MAST4: variants seen among roughly 807,000 people sequenced by gnomAD.
MAST4 encodes the protein microtubule-associated serine/threonine-protein kinase 4.
In MAST4, 89 loss-of-function variants were observed where a neutral mutation model predicts 162.7. The ratio of observed to expected loss-of-function variants is 0.55; its 90% confidence interval spans 0.46 to 0.65. The LOEUF (loss-of-function observed/expected upper bound fraction) is 0.65, where lower values mean the gene tolerates loss of function less well. Among genes scored for constraint, MAST4 ranks in the 30% least tolerant of loss-of-function variants. The pLI is 0.00. For missense variants in MAST4, 3,153 were observed against 3,374.0 expected, an observed-to-expected ratio of 0.93 and a Z score of 1.62; for synonymous variants, 1,479 against 1,361.1, an observed-to-expected ratio of 1.09 and a Z score of -1.91.
At chr5:66,861,118 G>A (rs1228988698) in intron 3 of MAST4, among the ~76,000 whole-genome samples, 1 of 152,224 alleles carries the variant, frequency 6.6e-6, no homozygotes, top group Non-Finnish European at 1.5e-5. Context: ...TCTGCTACAT[G>A]TGATTTATTT....
intron 1 of MAST4, among the ~76,000 whole-genome samples, chr5:66,676,543 A>G (rs919422820): frequency 6.6e-6 from 1 of 152,226 alleles, no homozygotes; most frequent in Admixed American, 6.5e-5. Context: ...AGACCTGGGA[A>G]TACGAATTCA....
In MAST4 at chr5:66,846,392, C is replaced by CATCA. The variant is rs1758858733; in HGVS notation, c.643-53559_643-53558insATCA. Reference sequence around the variant, plus strand: ...ATACTTCTCCAATAGCCTTGAGGAGCTAAAGCTATGATGTATTTTTTTCAA... The same window carrying CATCA: ...ATACTTCTCCAATAGCCTTGAGGAGCATCATAAAGCTATGATGTATTTTTTTCAA... On this transcript the variant is annotated intron_variant, in intron 3 of 28. Transcript: ENST00000403625. Among the ~76,000 whole-genome samples, 4 of 152,168 alleles carry CATCA rather than the reference C, an allele frequency of 2.6e-5. No homozygotes were observed. The South Asian group carries it at 8.3e-4, about 32-fold the overall frequency.
At chr5:66,726,610 A>G (rs765286973) in intron 1 of MAST4, among the ~76,000 whole-genome samples, 4 of 151,994 alleles carry the variant, frequency 2.6e-5, no homozygotes, top group Non-Finnish European at 1.5e-5. Context: ...TCAGGTCTGC[A>G]TTTCAAATAG....
At chr5:66,963,751 G>A (rs781318845) in intron 4 of MAST4, 1 of 779,812 alleles carries the variant, frequency 1.3e-6, no homozygotes, top group Non-Finnish European at 2.4e-6. Flanking sequence ...AGCCCAGGCA[G>A]TCCTTGTAGT....
chr5:67,148,172 T>G (rs928211910), intron 23 of MAST4, among the ~76,000 whole-genome samples: 2 of 152,156 alleles, frequency 1.3e-5, no homozygotes, highest in African/African-American at 4.8e-5. Flanking sequence ...AAAGGATCAT[T>G]TATAGTGGTG....
intron 4 of MAST4, among the ~76,000 whole-genome samples, chr5:66,984,296 G>A (rs1009243298): frequency 6.6e-6 from 1 of 152,166 alleles, no homozygotes; most frequent in Non-Finnish European, 1.5e-5. Flanking sequence ...AAGTAAAGAG[G>A]CCACCCAGGG....
intron 24 of MAST4, among the ~76,000 whole-genome samples, chr5:67,150,621 G>T (rs1305549472): frequency 1.3e-5 from 2 of 152,168 alleles, no homozygotes; most frequent in Non-Finnish European, 2.9e-5. Context: ...TTTGAAAGCT[G>T]GTTAGGAAGC....
At chr5:67,122,725 A>G (rs1767729056) in intron 14 of MAST4, among the ~76,000 whole-genome samples, 1 of 152,206 alleles carries the variant, frequency 6.6e-6, no homozygotes, top group South Asian at 2.1e-4. Context: ...AAATTTGGGC[A>G]TATATCTTAG....
chr5:67,023,944 T>C (rs1271041345), intron 4 of MAST4, among the ~76,000 whole-genome samples: 2 of 152,060 alleles, frequency 1.3e-5, no homozygotes, highest in East Asian at 1.9e-4. Flanking sequence ...ATTTACCATC[T>C]TGGCCATTTT....
intron 1 of MAST4, among the ~76,000 whole-genome samples, chr5:66,667,018 G>A (rs1047468898): frequency 6.6e-5 from 10 of 152,172 alleles, no homozygotes; most frequent in Non-Finnish European, 1.0e-4. Context: ...ATGAGGAGGC[G>A]TAGCCAGATG....
intron 5 of MAST4, among the ~76,000 whole-genome samples, chr5:67,063,267 T>C (rs1470803634): frequency 1.3e-5 from 2 of 152,188 alleles, no homozygotes. Context: ...TCAGATGGAC[T>C]GACGTCAGTC....
chr5:66,907,308 C>T (rs142510548), intron 4 of MAST4, among the ~76,000 whole-genome samples: 10 of 149,918 alleles, frequency 6.7e-5, no homozygotes, highest in South Asian at 2.1e-4. Context: ...GCAAACTTCC[C>T]GAGGCTTTAC....
chr5:66,814,433 G>A (rs1004781441), intron 3 of MAST4, among the ~76,000 whole-genome samples: 49 of 152,190 alleles, frequency 3.2e-4, no homozygotes, highest in African/African-American at 1.1e-3. Flanking sequence ...CCACAGATAT[G>A]TAAAAGAGGC....
intron 1 of MAST4, among the ~76,000 whole-genome samples, chr5:66,606,656 C>A (rs1742903976): frequency 6.6e-6 from 1 of 152,040 alleles, no homozygotes; most frequent in African/African-American, 2.4e-5. Flanking sequence ...TCTCATATTG[C>A]CTATTTTCTA....
intron 5 of MAST4, among the ~76,000 whole-genome samples, chr5:67,058,050 C>T (rs1271674654): frequency 6.6e-6 from 1 of 151,784 alleles, no homozygotes; most frequent in Non-Finnish European, 1.5e-5. Context: ...GCCTAGATGA[C>T]ATAGTGAGAC....
chr5:66,768,338 G>A (rs1252666939), intron 2 of MAST4, among the ~76,000 whole-genome samples: 1 of 152,056 alleles, frequency 6.6e-6, no homozygotes, highest in African/African-American at 2.4e-5. Flanking sequence ...AATGTGAAAG[G>A]GTTGACCTTT....
chr5:66,814,218 A>T (rs900081652), intron 3 of MAST4, among the ~76,000 whole-genome samples: 4 of 152,216 alleles, frequency 2.6e-5, no homozygotes, highest in Non-Finnish European at 5.9e-5. Flanking sequence ...TAACCTGTTT[A>T]TGATCAACAT....
intron 1 of MAST4, among the ~76,000 whole-genome samples, chr5:66,759,376 C>T (rs146440085): frequency 6.6e-6 from 1 of 152,218 alleles, no homozygotes; most frequent in Non-Finnish European, 1.5e-5. Context: ...CAATCCTTTC[C>T]CTTTCTTCAT....
intron 4 of MAST4, among the ~76,000 whole-genome samples, chr5:67,043,295 A>G (rs940679144): frequency 5.3e-5 from 8 of 152,220 alleles, no homozygotes; most frequent in African/African-American, 7.2e-5. Context: ...GGGTAAAACT[A>G]TATTATAATA....
Sources: gnomAD v4.1 joint callset for allele counts (sites outside exome capture counted in the v4.1 genomes callset) on GRCh38, gnomAD v4.1.1 for gene constraint, MANE v1.5 for transcripts, NCBI Gene and HGNC (gene_info 2026-07-23, HGNC 2026-07-21) for gene names.